The following ARHGAP39 variants were observed in gnomAD, a reference collection of about 807,000 sequenced individuals.
ARHGAP39 encodes Rho GTPase activating protein 39, also known as rho GTPase-activating protein 39.
A neutral mutation model predicts 106.9 loss-of-function variants in ARHGAP39; 44 were observed. That is an observed-to-expected ratio of 0.41 (90% CI 0.32 to 0.53). The LOEUF is 0.53. Among genes scored for constraint, ARHGAP39 ranks in the 20% least tolerant of loss-of-function variants. The pLI is 0.21. For missense variants in ARHGAP39, 1,496 were observed against 1,577.3 expected (o/e 0.95, Z 0.87); for synonymous variants, 768 against 693.2 (o/e 1.11, Z -1.69).
At position 144,641,819 on chromosome 8, in the gene ARHGAP39, G is replaced by A. The variant is rs1163372897; in HGVS notation, c.-81-36124C>T. Among the ~76,000 whole-genome samples the A allele has an allele frequency of 1.3e-5, 2 of 152,220 alleles. No homozygotes were observed. The highest frequency in any genetic ancestry group is 2.9e-5 in the Non-Finnish European group (2 of 68,036). ...TTTACCCATCATGCAAGGAGAGGGG[G>A]ACATCCCATCACAGTGCAGCCACGA... On this transcript the variant is annotated intron_variant, in intron 1 of 11. Coordinates refer to ENST00000377307, the MANE Select transcript of ARHGAP39 (RefSeq NM_025251.3). The surrounding 1 kb of genome is among the most constrained non-coding windows in gnomAD (Gnocchi z 5.2).
Position 144,546,690 on chromosome 8 carries a change from G to T in ARHGAP39, c.1959+437C>A, listed in dbSNP as rs140828357. Among the ~76,000 whole-genome samples, 10 of 152,288 alleles carry T rather than the reference G, an allele frequency of 6.6e-5. No homozygotes were observed. In the East Asian group the frequency reaches 1.9e-3, roughly 29 times the overall value. On this transcript the variant is annotated intron_variant, in intron 5 of 11. Transcript: ENST00000377307. ...GAATTCCTGCGGCCTCTGTCCTCCC[G>T]GCAGTTCTTCCTACCCGAGGGAGCC...
chr8:144,654,012 G>A (rs1016066898), intron 1 of ARHGAP39, among the ~76,000 whole-genome samples: 2 of 152,192 alleles, frequency 1.3e-5, no homozygotes, highest in African/African-American at 2.4e-5. Context: ...CTGGACTGCC[G>A]GACACGAGCA....
intron 1 of ARHGAP39, among the ~76,000 whole-genome samples, chr8:144,639,919 G>T (rs1821269161): frequency 6.6e-6 from 1 of 152,146 alleles, no homozygotes; most frequent in Non-Finnish European, 1.5e-5. Flanking sequence ...TTTGTCTTAG[G>T]AAACTGGTTG....
At chr8:144,662,789 C>T (rs989681068) in intron 1 of ARHGAP39, among the ~76,000 whole-genome samples, 1 of 150,456 alleles carries the variant, frequency 6.6e-6, no homozygotes, top group Non-Finnish European at 1.5e-5. Context: ...TTTCCCCCTC[C>T]CCCTTATCCA....
chr8:144,542,957 G>GGGGGGTCTTGCTCTGTTGCCCAGGCT (rs1182399184), intron 6 of ARHGAP39, among the ~76,000 whole-genome samples: 53 of 150,144 alleles, frequency 3.5e-4, no homozygotes, highest in Non-Finnish European at 6.2e-4. Context: ...CAAAAAAAAA[G>GGGGGGTCTTGCTCTGTTGCCCAGGCT]GGGGGTCTTG....
At chr8:144,657,506 T>C (rs1223190683) in intron 1 of ARHGAP39, among the ~76,000 whole-genome samples, 2 of 152,174 alleles carry the variant, frequency 1.3e-5, no homozygotes, top group African/African-American at 2.4e-5. Flanking sequence ...GTACAAACTA[T>C]ATGCTGATCT....
chr8:144,689,426 CTTTTTTTTTTTTTTT>C (rs71320837), upstream of ARHGAP39, among the ~76,000 whole-genome samples: 2 of 67,554 alleles, frequency 3.0e-5, no homozygotes, highest in Admixed American at 4.1e-4. Flanking sequence ...TCTTAACCAT[CTTTTTTTTTTTTTTT>C]TTTTTTTTTT....
rs577767985 is a variant in ARHGAP39, at chr8:144,572,648, G to A, written c.512+8198C>T. Among the ~76,000 whole-genome samples the A allele has an allele frequency of 3.9e-5, 6 of 152,266 alleles. No individual in the cohort carries two copies. The East Asian group carries it at 1.2e-3, about 29-fold the overall frequency. ...AAATGGGATCTAATTAAACTAAAGA[G>A]CTTCTGCACAGCAAAAGAAACTACC... On this transcript the variant is annotated intron_variant, in intron 3 of 11. Transcript: ENST00000377307.
chr8:144,557,055 G>T (rs1160200152), intron 3 of ARHGAP39, among the ~76,000 whole-genome samples: 2 of 142,754 alleles, frequency 1.4e-5, no homozygotes, highest in African/African-American at 5.6e-5. Flanking sequence ...ATAGTATTCA[G>T]CGGCAAAAGC....
chr8:144,649,541 A>G lies in ARHGAP39; in HGVS notation c.-82+36145T>C, dbSNP rs531648380. Reference sequence around the variant, plus strand: ...TCCCAGCACTTTGGGAGGCCAAGGCAGATGGATCACTTTAGGTCAGGAGTT... The same window carrying G: ...TCCCAGCACTTTGGGAGGCCAAGGCGGATGGATCACTTTAGGTCAGGAGTT... On this transcript the variant is annotated intron_variant, in intron 1 of 11. Coordinates refer to ENST00000377307, the MANE Select transcript of ARHGAP39 (RefSeq NM_025251.3). Among the ~76,000 whole-genome samples, 180 of 152,286 alleles carry G rather than the reference A, an allele frequency of 1.2e-3. 1 individual carries two copies. Among genetic ancestry groups the G allele is most frequent in the South Asian group, 1.9e-3 (9 of 4,822 alleles).
At chr8:144,603,705 A>G (rs990127254) in intron 2 of ARHGAP39, among the ~76,000 whole-genome samples, 4 of 151,020 alleles carry the variant, frequency 2.6e-5, no homozygotes, top group Non-Finnish European at 4.4e-5. Context: ...AAAAAAAAAA[A>G]GAGGCCAAAA....
rs367608342 is a variant in ARHGAP39, at chr8:144,630,621, T to C, written c.-81-24926A>G. ...CTATTTGCTGTGGTGTGAATGAATGTCCCCCGCCAAATGCAGATGCTAGAC... is the reference window on the plus strand; with the variant it reads ...CTATTTGCTGTGGTGTGAATGAATGCCCCCCGCCAAATGCAGATGCTAGAC... On this transcript the variant is annotated intron_variant, in intron 1 of 11. Transcript: ENST00000377307. Among the ~76,000 whole-genome samples, 9 of 152,298 alleles carry C rather than the reference T, an allele frequency of 5.9e-5. No homozygotes were observed. In the East Asian group the frequency reaches 1.5e-3, roughly 26 times the overall value.
At chr8:144,537,618 C>T (rs1022881682) in intron 7 of ARHGAP39, 103 bp downstream of exon 7, 6 of 942,172 alleles carry the variant, frequency 6.4e-6, no homozygotes, top group Admixed American at 2.2e-5. Flanking sequence ...TGGCCCCATC[C>T]CCCCCGCCCA....
intron 6 of ARHGAP39, among the ~76,000 whole-genome samples, chr8:144,538,620 G>A (rs1300926598): frequency 2.0e-5 from 3 of 152,168 alleles, no homozygotes; most frequent in Admixed American, 6.5e-5. Context: ...TGAGTGGTGC[G>A]ATCTCAGCTC....
chr8:144,562,558 G>A (rs1182113724), intron 3 of ARHGAP39, among the ~76,000 whole-genome samples: 1 of 147,622 alleles, frequency 6.8e-6, no homozygotes, highest in Non-Finnish European at 1.5e-5. Context: ...ACACTCCAGT[G>A]GTTTCCATCA....
intron 3 of ARHGAP39, among the ~76,000 whole-genome samples, chr8:144,559,601 G>T (rs577494467): frequency 3.3e-5 from 5 of 152,216 alleles, no homozygotes; most frequent in Non-Finnish European, 7.3e-5. Context: ...CTGAAATACG[G>T]TTGTGGTAAA....
chr8:144,558,338 A>G (rs11997935), intron 3 of ARHGAP39, among the ~76,000 whole-genome samples: 14,088 of 152,086 alleles, frequency 0.093, 1,534 homozygotes, highest in African/African-American at 0.26. Context: ...CCTGGCTTGA[A>G]TGCAGTGGTG....
chr8:144,559,380 A>AAAC (rs1554920641), intron 3 of ARHGAP39, among the ~76,000 whole-genome samples: 1 of 150,596 alleles, frequency 6.6e-6, no homozygotes, highest in African/African-American at 2.4e-5. Context: ...AAAAAAAAAA[A>AAAC]AAGCTACATA....
chr8:144,685,653 G>A (rs552163864), intron 1 of ARHGAP39, among the ~76,000 whole-genome samples, 33 bp downstream of exon 1: 6 of 148,330 alleles, frequency 4.0e-5, no homozygotes, highest in African/African-American at 1.5e-4. Context: ...TTCTTGGCCC[G>A]CGCCGCCCAC....
Sources: gnomAD v4.1 joint callset for allele counts (sites outside exome capture counted in the v4.1 genomes callset) on GRCh38, gnomAD v4.1.1 for gene constraint, Gnocchi (gnomAD v3.1) non-coding constraint, MANE v1.5 for transcripts, NCBI Gene and HGNC (gene_info 2026-07-23, HGNC 2026-07-21) for gene names.